The following RRBP1 variants were observed in gnomAD, a reference collection of about 807,000 sequenced individuals.
The protein encoded by RRBP1 is ribosome-binding protein 1.
A neutral mutation model predicts 165.2 loss-of-function variants in RRBP1; 94 were observed. That is an observed-to-expected ratio of 0.57 (90% CI 0.48 to 0.68). The LOEUF (loss-of-function observed/expected upper bound fraction) is 0.68, where lower values mean the gene tolerates loss of function less well. Ranked by LOEUF, RRBP1 falls within the 30% of genes least tolerant of loss-of-function variation. The pLI is 0.00. For missense variants in RRBP1, 1,676 were observed against 1,763.0 expected, an observed-to-expected ratio of 0.95 and a Z score of 0.88; for synonymous variants, 680 against 714.5, an observed-to-expected ratio of 0.95 and a Z score of 0.77.
intron 23 of RRBP1, 67 bp downstream of exon 23, chr20:17,615,364 G>A: frequency 7.6e-7 from 1 of 1,318,820 alleles, no homozygotes; most frequent in South Asian, 1.3e-5. Context: ...CCCTTTCCGA[G>A]GCCAAGAGTG....
Position 17,627,389 on chromosome 20 carries a change from T to C in RRBP1, c.2929-7A>G, listed in dbSNP as rs56242973. The C allele has an allele frequency of 6.8e-6, 11 of 1,613,884 alleles. No individual in the cohort carries two copies. Among genetic ancestry groups the C allele is most frequent in the Non-Finnish European group, 9.3e-6 (11 of 1,179,956 alleles). On this transcript the variant is annotated splice_polypyrimidine_tract_variant and splice_region_variant and intron_variant, in intron 10 of 24. Transcript: ENST00000377813. The stretch of plus-strand genomic sequence containing the variant: ...CAGCCTCCGCCTGGCTGGCCTGGAA[T>C]GAGAGACAAAAGCTCCTTGGTCTCC...
chr20:17,661,981 G>T (rs1231812387), intron 2 of RRBP1, among the ~76,000 whole-genome samples: 2 of 152,144 alleles, frequency 1.3e-5, no homozygotes, highest in Non-Finnish European at 2.9e-5. Context: ...AATCACTCTC[G>T]GCCGGGCGCG....
chr20:17,681,533 C>T (rs2037187644), intron 1 of RRBP1, among the ~76,000 whole-genome samples: 1 of 61,464 alleles, frequency 1.6e-5, no homozygotes, highest in Admixed American at 1.9e-4. Context: ...GGCCGGCCTC[C>T]GCCGCCTTCC....
intron 2 of RRBP1, among the ~76,000 whole-genome samples, chr20:17,666,457 C>T (rs2036870683): frequency 6.6e-6 from 1 of 152,116 alleles, no homozygotes; most frequent in African/African-American, 2.4e-5. Context: ...ACTACTTCTT[C>T]TACTCCTCAG....
In RRBP1 at chr20:17,620,382, G is replaced by A. The variant is rs376905357; in HGVS notation, c.3508-12C>T. On this transcript the variant is annotated splice_polypyrimidine_tract_variant and intron_variant, in intron 17 of 24. Transcript: ENST00000377813. ...ACTGTGACCCGGGACTACAAAGCAAGGGGAAGGCTCCGTCAGACACGAGCA... is the reference window on the plus strand; with the variant it reads ...ACTGTGACCCGGGACTACAAAGCAAAGGGAAGGCTCCGTCAGACACGAGCA... The A allele has an allele frequency of 1.1e-5, 18 of 1,611,828 alleles. No homozygotes were observed. Among genetic ancestry groups the A allele is most frequent in the Non-Finnish European group, 1.5e-5 (18 of 1,178,216 alleles).
chr20:17,680,726 T>A (rs2037165564), intron 1 of RRBP1, among the ~76,000 whole-genome samples: 1 of 151,996 alleles, frequency 6.6e-6, no homozygotes, highest in African/African-American at 2.4e-5. Context: ...GAACCCCGGC[T>A]GTGCAACTTC....
chr20:17,616,962 C>A, intron 20 of RRBP1, 123 bp from the exon 21 acceptor site: 1 of 829,422 alleles, frequency 1.2e-6, no homozygotes, highest in Non-Finnish European at 2.0e-6. Flanking sequence ...CTTCAGGGGA[C>A]CTGGCTTGGT....
intron 2 of RRBP1, among the ~76,000 whole-genome samples, chr20:17,670,656 T>G (rs1238238432): frequency 6.6e-6 from 1 of 152,226 alleles, no homozygotes; most frequent in Non-Finnish European, 1.5e-5. Flanking sequence ...CATTGCTTGT[T>G]ATGTCTTTTT....
In RRBP1 at chr20:17,621,458, C is replaced by T. The variant is rs7344647; in HGVS notation, c.3414G>A (p.Thr1138=). ...CDQYRSILAE[T]EGMLRDLQKS... is the part of the protein sequence containing the mutation. Reference sequence around the variant, plus strand: ...CAGCTGACAGGTTCCCAATGCTCACCGTCTCCGCCAGGATGCTGCGGTACT... The same window carrying T: ...CAGCTGACAGGTTCCCAATGCTCACTGTCTCCGCCAGGATGCTGCGGTACT... The change falls in exon 16 of 25, where the codon ACG becomes ACA. Residue 1138 remains threonine (T), a splice_region_variant and synonymous_variant. Transcript: ENST00000377813. 2.0e-3 allele frequency: 3,149 copies of T among 1,610,474 alleles called. 39 individuals are homozygous for T. The African/African-American group carries it at 0.035, about 18-fold the overall frequency.
At chr20:17,618,039 C>T (rs2035834923) in intron 20 of RRBP1, among the ~76,000 whole-genome samples, 1 of 149,696 alleles carries the variant, frequency 6.7e-6, no homozygotes. Context: ...GGCAGAGCTC[C>T]AGTGGTCTGC....
At chr20:17,635,165 G>T (rs1171874165) in intron 7 of RRBP1, among the ~76,000 whole-genome samples, 2 of 152,240 alleles carry the variant, frequency 1.3e-5, no homozygotes, top group Non-Finnish European at 2.9e-5. Context: ...CGGAGGGGAA[G>T]TGCACCCTCC....
chr20:17,650,499 T>C (rs2036535831), intron 3 of RRBP1, among the ~76,000 whole-genome samples: 1 of 152,126 alleles, frequency 6.6e-6, no homozygotes. Flanking sequence ...CCCCGTCCAT[T>C]AGGCAGAAAG....
At chr20:17,663,105 C>A (rs988241926) in intron 2 of RRBP1, among the ~76,000 whole-genome samples, 1 of 152,194 alleles carries the variant, frequency 6.6e-6, no homozygotes, top group Non-Finnish European at 1.5e-5. Context: ...GCTCCATAAA[C>A]CCCGAATCGT....
chr20:17,660,988 T>C (rs972260371), intron 2 of RRBP1, among the ~76,000 whole-genome samples: 14 of 152,056 alleles, frequency 9.2e-5, no homozygotes, highest in African/African-American at 3.1e-4. Flanking sequence ...AGAAATGTGA[T>C]TGCTGAGTTG....
chr20:17,614,927 G>A (rs367779065), intron 23 of RRBP1, 47 bp from the exon 24 acceptor site: 6 of 1,602,800 alleles, frequency 3.7e-6, no homozygotes, highest in African/African-American at 1.3e-5. Context: ...ACCGGCAGGA[G>A]GGCCACCCCA....
At chr20:17,638,740 G>C (rs550783982) in intron 5 of RRBP1, among the ~76,000 whole-genome samples, 3 of 152,052 alleles carry the variant, frequency 2.0e-5, no homozygotes, top group Admixed American at 2.0e-4. Context: ...CGGCGCACAA[G>C]AAGACAAGGC....
chr20:17,636,161 C>T (rs973972521), intron 6 of RRBP1, among the ~76,000 whole-genome samples: 6 of 152,298 alleles, frequency 3.9e-5, no homozygotes, highest in Admixed American at 1.3e-4. Context: ...CAGTGCTGGC[C>T]GCTGGAGCTG....
At chr20:17,657,062 C>T (rs972403058) in intron 3 of RRBP1, among the ~76,000 whole-genome samples, 1 of 152,226 alleles carries the variant, frequency 6.6e-6, no homozygotes, top group Non-Finnish European at 1.5e-5. Flanking sequence ...ATAACAATGA[C>T]CATGGGATGC....
chr20:17,640,210 G>A (rs78284600), intron 5 of RRBP1, among the ~76,000 whole-genome samples: 2 of 152,296 alleles, frequency 1.3e-5, no homozygotes, highest in East Asian at 3.9e-4. Context: ...ATGCCTAACT[G>A]TACCAATGAC....
Sources: gnomAD v4.1 joint callset for allele counts (sites outside exome capture counted in the v4.1 genomes callset) on GRCh38, gnomAD v4.1.1 for gene constraint, MANE v1.5 for transcripts, NCBI Gene and HGNC (gene_info 2026-07-23, HGNC 2026-07-21) for gene names.